Variants in EFEMP1 observed in about 807,000 individuals in gnomAD.
The protein encoded by EFEMP1 is EGF-containing fibulin-like extracellular matrix protein 1.
EFEMP1 carries 18 observed loss-of-function variants against 65.7 expected under a neutral mutation model. The ratio of observed to expected loss-of-function variants is 0.27; its 90% CI spans 0.19 to 0.41. The LOEUF is 0.41. Among genes scored for constraint, EFEMP1 ranks in the 10% least tolerant of loss-of-function variants. EFEMP1 has a pLI of 1.00. For synonymous variants in EFEMP1, 237 were observed against 219.7 expected, an observed-to-expected ratio of 1.08 and a Z score of -0.70; for missense variants, 469 against 624.8, an observed-to-expected ratio of 0.75 and a Z score of 2.66.
chr2:55,880,641 C>T (rs945725022), intron 6 of EFEMP1, among the ~76,000 whole-genome samples: 4 of 152,174 alleles, frequency 2.6e-5, no homozygotes, highest in Non-Finnish European at 5.9e-5. Flanking sequence ...TTGTCTGTCC[C>T]CACATCCTCA....
intron 5 of EFEMP1, among the ~76,000 whole-genome samples, chr2:55,887,342 T>G (rs919553946): frequency 6.6e-6 from 1 of 152,142 alleles, no homozygotes; most frequent in African/African-American, 2.4e-5. Context: ...GCCTTAAAGA[T>G]AGGGTTGTTA....
intron 5 of EFEMP1, among the ~76,000 whole-genome samples, chr2:55,914,355 T>C (rs1462619057): frequency 6.6e-6 from 1 of 152,212 alleles, no homozygotes. Context: ...GAATGTTATG[T>C]TGTATTTCAA....
chr2:55,906,324 A>C lies in EFEMP1; in HGVS notation c.517+11341T>G, dbSNP rs191775789. Among the ~76,000 whole-genome samples, 75 of 151,846 alleles carry C rather than the reference A, an allele frequency of 4.9e-4. No homozygotes were observed. The East Asian group carries it at 0.014, about 29-fold the overall frequency. ...CTGCAACCTCTGCTTCCCAGGTTCA[A>C]ACAATTCTCCTGCCTCAGCCTCCCA... On this transcript the variant is annotated intron_variant, in intron 5 of 11. Coordinates refer to ENST00000355426, the MANE Select transcript of EFEMP1 (RefSeq NM_001039348.3).
At chr2:55,891,745 T>C (rs1483204641) in intron 5 of EFEMP1, among the ~76,000 whole-genome samples, 1 of 152,096 alleles carries the variant, frequency 6.6e-6, no homozygotes, top group Non-Finnish European at 1.5e-5. Context: ...TCTTGTCCTG[T>C]ATTAAGGATT....
chr2:55,895,964 T>C (rs1487389086), intron 5 of EFEMP1, among the ~76,000 whole-genome samples: 1 of 152,144 alleles, frequency 6.6e-6, no homozygotes, highest in Non-Finnish European at 1.5e-5. Context: ...ATGAAGCACC[T>C]TGTCTGGCTG....
rs566357158 is a variant in EFEMP1 at position 55,921,554 on chromosome 2, C to A, written c.81+806G>T. 5.3e-5 allele frequency among the ~76,000 whole-genome samples: 8 copies of A among 152,304 alleles called. No homozygotes were observed. Among genetic ancestry groups the A allele is most frequent in the Non-Finnish European group, 1.0e-4 (7 of 68,028 alleles). On this transcript the variant is annotated intron_variant, in intron 3 of 11. Transcript: ENST00000355426. The surrounding 1 kb of genome is among the most constrained non-coding windows in gnomAD (Gnocchi z 4.1). ...TCATTTGCCTAACACTGATTAAAGA[C>A]AAGAAAACACAGAACAGAGGTGCAA...
intron 5 of EFEMP1, among the ~76,000 whole-genome samples, chr2:55,905,292 C>G (rs1230169815): frequency 2.0e-5 from 3 of 152,068 alleles, no homozygotes; most frequent in African/African-American, 7.2e-5. Flanking sequence ...TAAGGTCTTC[C>G]TGATTTTCTC....
At chr2:55,900,955 G>C (rs1427581842) in intron 5 of EFEMP1, among the ~76,000 whole-genome samples, 1 of 152,116 alleles carries the variant, frequency 6.6e-6, no homozygotes, top group African/African-American at 2.4e-5. Flanking sequence ...AGATTTTGTT[G>C]CTTCTGAAGT....
rs1487427514 is a variant in EFEMP1, at chr2:55,923,533, GAC to G, written c.-49+176_-49+177del. 6.6e-6 allele frequency among the ~76,000 whole-genome samples: 1 copy of G among 152,184 alleles called. No homozygotes were observed. The highest frequency in any genetic ancestry group is 1.5e-5 in the Non-Finnish European group (1 of 68,032). ...TGTCACCCGAGTACTCGCACTTGCTGACAGATCGCATTCCGAGGCTGCACACC... is the reference window on the plus strand; with the variant it reads ...TGTCACCCGAGTACTCGCACTTGCTGAGATCGCATTCCGAGGCTGCACACC... On this transcript the variant is annotated intron_variant, in intron 1 of 11. Coordinates refer to ENST00000355426, the MANE Select transcript of EFEMP1 (RefSeq NM_001039348.3). This position sits in a 1 kb window ranked among gnomAD's most constrained non-coding sequence, Gnocchi z 5.3.
At chr2:55,893,052 C>G (rs1367919174) in intron 5 of EFEMP1, among the ~76,000 whole-genome samples, 1 of 151,956 alleles carries the variant, frequency 6.6e-6, no homozygotes, top group African/African-American at 2.4e-5. Context: ...AAGTGAAAAC[C>G]TTTGGCTTCA....
chr2:55,906,300 T>G (rs1244686764), intron 5 of EFEMP1, among the ~76,000 whole-genome samples: 2 of 151,234 alleles, frequency 1.3e-5, no homozygotes, highest in Admixed American at 6.6e-5. Context: ...CTTGGCTCAC[T>G]GCAACCTCTG....
At chr2:55,910,715 G>A (rs114542584) in intron 5 of EFEMP1, among the ~76,000 whole-genome samples, 1,547 of 152,234 alleles carry the variant, frequency 0.01, 29 homozygotes, top group African/African-American at 0.035. Flanking sequence ...GAATCTCCTC[G>A]TCTTTGATGG....
chr2:55,875,333 TATACAC>T (rs367668229), intron 8 of EFEMP1, among the ~76,000 whole-genome samples: 2 of 126,930 alleles, frequency 1.6e-5, no homozygotes, highest in African/African-American at 3.1e-5. Context: ...GGGTTTCATA[TATACAC>T]ACACACACAC....
Position 55,917,599 on chromosome 2 carries a change from T to C in EFEMP1, c.517+66A>G, listed in dbSNP as rs1670744791. The C allele has an allele frequency of 1.9e-6, 3 of 1,603,840 alleles. No individual in the cohort carries two copies. The highest frequency in any genetic ancestry group is 2.7e-5 in the African/African-American group (2 of 74,714). On this transcript the variant is annotated intron_variant, in intron 5 of 11. Transcript: ENST00000355426. The surrounding 1 kb of genome is among the most constrained non-coding windows in gnomAD (Gnocchi z 6.3). ...GCGAGAAGTCCTTAATAAATTATCA[T>C]CATCCTCACCACGAGGTGCACTTGG...
chr2:55,922,601 C>G lies in EFEMP1; in HGVS notation c.-7-154G>C, dbSNP rs751953308. 3 of 724,034 alleles carry G rather than the reference C, an allele frequency of 4.1e-6. No individual in the cohort carries two copies. The highest frequency in any genetic ancestry group is 7.1e-6 in the Non-Finnish European group (3 of 423,264). 44.9% of individuals were successfully genotyped at this position (724,034 alleles called of 1,614,324 possible). Reference sequence around the variant, plus strand: ...ATCTGCTTTCTCATCTCCCCTCCCCCTCCTGAACCTTCTCGGTAGCCAACG... The same window carrying G: ...ATCTGCTTTCTCATCTCCCCTCCCCGTCCTGAACCTTCTCGGTAGCCAACG... On this transcript the variant is annotated intron_variant, in intron 2 of 11. Transcript: ENST00000355426. This position sits in a 1 kb window ranked among gnomAD's most constrained non-coding sequence, Gnocchi z 5.5.
At chr2:55,868,901 T>G (rs548002943) in intron 11 of EFEMP1, among the ~76,000 whole-genome samples, 12 of 152,198 alleles carry the variant, frequency 7.9e-5, no homozygotes, top group Non-Finnish European at 1.5e-4. Context: ...TCTGCACAAG[T>G]AGAATTTTAG....
chr2:55,889,996 A>G (rs769871910), intron 5 of EFEMP1, among the ~76,000 whole-genome samples: 1 of 152,082 alleles, frequency 6.6e-6, no homozygotes, highest in Non-Finnish European at 1.5e-5. Context: ...CAGTGGTTAT[A>G]GTAAATGTAA....
At chr2:55,878,764 A>G (rs1669129530) in intron 6 of EFEMP1, among the ~76,000 whole-genome samples, 1 of 152,170 alleles carries the variant, frequency 6.6e-6, no homozygotes, top group African/African-American at 2.4e-5. Flanking sequence ...CTGAGTCTGA[A>G]TCTTTGTTCT....
At position 55,866,927 on chromosome 2, in the gene EFEMP1, A is replaced by G. The variant is rs540522685; in HGVS notation, c.*146T>C. On this transcript the variant is annotated 3_prime_UTR_variant, in exon 12 of 12. Coordinates refer to ENST00000355426, the MANE Select transcript of EFEMP1 (RefSeq NM_001039348.3). ...TCTTTACATATTAAATGCCCACTTT[A>G]TACCATGGTGTAATTGTTTGAATTA... 1.9e-6 allele frequency: 2 copies of G among 1,036,884 alleles called. No individual in the cohort carries two copies. Among genetic ancestry groups the G allele is most frequent in the Non-Finnish European group, 2.9e-6 (2 of 701,006 alleles). 64.2% of individuals were successfully genotyped at this position (1,036,884 alleles called of 1,614,324 possible). A position where few individuals can be genotyped will look rare whatever the true frequency, so the allele number is the denominator to read the frequency against.
Sources: gnomAD v4.1 joint callset for allele counts (sites outside exome capture counted in the v4.1 genomes callset) on GRCh38, gnomAD v4.1.1 for gene constraint, Gnocchi (gnomAD v3.1) non-coding constraint, MANE v1.5 for transcripts, NCBI Gene and HGNC (gene_info 2026-07-23, HGNC 2026-07-21) for gene names.